The following NXPE2 variants were observed in gnomAD, a reference collection of about 807,000 sequenced individuals.
The protein encoded by NXPE2 is neurexophilin and PC-esterase domain family member 2, also known as NXPE family member 2.
A neutral mutation model predicts 34.4 loss-of-function variants in NXPE2; 34 were observed. That is an observed-to-expected ratio of 0.99 (90% confidence interval 0.75 to 1.31). The LOEUF is 1.31. Among genes scored for constraint, NXPE2 ranks in the 40% most tolerant of loss-of-function variants. NXPE2 has a pLI of 0.00. For synonymous variants in NXPE2, 235 were observed against 231.3 expected (o/e 1.02, Z -0.15); for missense variants, 649 against 672.5 (o/e 0.97, Z 0.39).
the NXPE2 span, among the ~76,000 whole-genome samples, chr11:114,780,715 G>A: frequency 3.3e-5 from 5 of 152,180 alleles, no homozygotes. Flanking sequence ...TCTGACTCAG[G>A]GCGATCTGAT....
the NXPE2 span, among the ~76,000 whole-genome samples, chr11:114,765,384 A>T: frequency 4.6e-5 from 7 of 152,266 alleles, no homozygotes; most frequent in Admixed American, 6.5e-5. Context: ...GCTCACTCCA[A>T]GTTTCTGTGT....
chr11:114,513,868 CTTT>C, the NXPE2 span, among the ~76,000 whole-genome samples: 47 of 152,044 alleles, frequency 3.1e-4, 1 homozygote, highest in African/African-American at 8.7e-4. Flanking sequence ...AATGCAAAGA[CTTT>C]TTGTAAAAAT....
the NXPE2 span, among the ~76,000 whole-genome samples, chr11:114,465,790 C>A: frequency 2.0e-5 from 3 of 152,036 alleles, no homozygotes; most frequent in Non-Finnish European, 4.4e-5. Context: ...ATAGCAAGAC[C>A]CTGTCTCTAA....
the NXPE2 span, among the ~76,000 whole-genome samples, chr11:114,794,094 AG>A: frequency 6.6e-6 from 1 of 152,100 alleles, no homozygotes; most frequent in Non-Finnish European, 1.5e-5. Flanking sequence ...TGCCAGACAA[AG>A]CACAAATCTA....
chr11:114,795,446 A>G, the NXPE2 span, among the ~76,000 whole-genome samples: 1 of 152,214 alleles, frequency 6.6e-6, no homozygotes, highest in Non-Finnish European at 1.5e-5. Context: ...ATCCTAACAC[A>G]ATAGGATCCT....
chr11:114,794,858 C>CCG, the NXPE2 span, among the ~76,000 whole-genome samples: 1 of 151,646 alleles, frequency 6.6e-6, no homozygotes, highest in East Asian at 1.9e-4. Flanking sequence ...CCCGCCCCCC[C>CCG]CAACCCCATC....
chr11:114,477,004 A>C, the NXPE2 span, among the ~76,000 whole-genome samples: 1 of 152,238 alleles, frequency 6.6e-6, no homozygotes, highest in Non-Finnish European at 1.5e-5. Flanking sequence ...AAAGACTTGC[A>C]CATGAGTGTT....
chr11:114,622,853 G>T, the NXPE2 span, among the ~76,000 whole-genome samples: 1 of 151,660 alleles, frequency 6.6e-6, no homozygotes, highest in Non-Finnish European at 1.5e-5. Context: ...ATTGCTTCAT[G>T]GGATACCACT....
At chr11:114,749,502 T>C in the NXPE2 span, among the ~76,000 whole-genome samples, 781 of 152,220 alleles carry the variant, frequency 5.1e-3, 6 homozygotes, top group African/African-American at 0.018. Context: ...ACAGTTGGCC[T>C]CCCATATCCA....
the NXPE2 span, among the ~76,000 whole-genome samples, chr11:114,805,155 CA>C: frequency 6.6e-6 from 1 of 151,184 alleles, no homozygotes; most frequent in Non-Finnish European, 1.5e-5. Flanking sequence ...ACAGGCTAAA[CA>C]AGTAACCTTG....
chr11:114,733,474 T>TG, the NXPE2 span, among the ~76,000 whole-genome samples: 1 of 152,218 alleles, frequency 6.6e-6, no homozygotes, highest in Non-Finnish European at 1.5e-5. Flanking sequence ...TGGTTTTCTT[T>TG]GGGGAAGCAA....
the NXPE2 span, chr11:114,554,379 C>G: frequency 1.0e-6 from 1 of 985,020 alleles, no homozygotes; most frequent in South Asian, 4.7e-5. Context: ...CTAGCTTAGA[C>G]CACAGAGGTG....
chr11:114,577,174 A>G, the NXPE2 span, among the ~76,000 whole-genome samples: 170 of 147,082 alleles, frequency 1.2e-3, 1 homozygote, highest in African/African-American at 3.6e-3. Context: ...ATATATATAT[A>G]TATATAAAAT....
chr11:114,691,734 T>A (rs987210728), intron 2 of NXPE2, among the ~76,000 whole-genome samples: 1 of 152,220 alleles, frequency 6.6e-6, no homozygotes, highest in African/African-American at 2.4e-5. Context: ...GTTGGTGCCA[T>A]GCTTGCATTT....
chr11:114,752,436 A>G, the NXPE2 span, among the ~76,000 whole-genome samples: 10 of 152,254 alleles, frequency 6.6e-5, no homozygotes, highest in Non-Finnish European at 1.2e-4. Context: ...TTTAAAAGTA[A>G]TCACTACTTA....
At chr11:114,604,928 G>T in the NXPE2 span, among the ~76,000 whole-genome samples, 6 of 151,900 alleles carry the variant, frequency 3.9e-5, no homozygotes, top group Non-Finnish European at 8.8e-5. Context: ...TGCCTCTAGG[G>T]TACCCACTGT....
chr11:114,502,793 T>C, the NXPE2 span, among the ~76,000 whole-genome samples: 1 of 152,218 alleles, frequency 6.6e-6, no homozygotes, highest in Non-Finnish European at 1.5e-5. Flanking sequence ...TGGTAGGACA[T>C]TACCTATGAA....
At chr11:114,504,804 C>T in the NXPE2 span, among the ~76,000 whole-genome samples, 2 of 152,178 alleles carry the variant, frequency 1.3e-5, no homozygotes, top group African/African-American at 4.8e-5. Flanking sequence ...ATGCTGAAAA[C>T]TCAACAAGCT....
chr11:114,569,600 C>T, the NXPE2 span, among the ~76,000 whole-genome samples: 4 of 152,112 alleles, frequency 2.6e-5, no homozygotes, highest in South Asian at 6.2e-4. Context: ...CCACATGAGA[C>T]CCAGAGAGCT....
Sources: gnomAD v4.1 joint callset for allele counts (sites outside exome capture counted in the v4.1 genomes callset) on GRCh38, gnomAD v4.1.1 for gene constraint, MANE v1.5 for transcripts, NCBI Gene and HGNC (gene_info 2026-07-23, HGNC 2026-07-21) for gene names.